Variants in ST13 observed in about 807,000 individuals in gnomAD.
ST13 encodes ST13 Hsp70 interacting protein.
In ST13, 23 loss-of-function variants were observed where a neutral mutation model predicts 56.7. That is an observed-to-expected ratio of 0.41 (90% CI 0.29 to 0.57). The LOEUF is 0.57. ST13 is among the 20% of genes least tolerant of loss of function. The pLI is 0.36. For synonymous variants in ST13, 132 were observed against 142.4 expected, an observed-to-expected ratio of 0.93 and a Z score of 0.52; for missense variants, 369 against 459.9, an observed-to-expected ratio of 0.80 and a Z score of 1.81.
intron 1 of ST13, among the ~76,000 whole-genome samples, chr22:40,854,822 T>C (rs376980495): frequency 1.3e-5 from 2 of 152,344 alleles, no homozygotes; most frequent in Admixed American, 6.5e-5. Flanking sequence ...CTTAAGGCTT[T>C]TGGATCATCA....
Position 40,832,678 on chromosome 22 carries a change from C to A in ST13, c.579-7G>T, listed in dbSNP as rs779903992. On this transcript the variant is annotated splice_polypyrimidine_tract_variant and splice_region_variant and intron_variant, in intron 7 of 11. Transcript: ENST00000216218. ...TTCCCAGTGGCCTAGAAGTCTGAAACAGATTTACACTCATTTTAGGAGCCT... is the reference window on the plus strand; with the variant it reads ...TTCCCAGTGGCCTAGAAGTCTGAAAAAGATTTACACTCATTTTAGGAGCCT... 6.3e-6 allele frequency: 10 copies of A among 1,589,040 alleles called. No individual in the cohort carries two copies. Among genetic ancestry groups the A allele is most frequent in the African/African-American group, 1.3e-5 (1 of 74,816 alleles).
chr22:40,844,855 C>T lies in ST13; in HGVS notation c.299G>A (p.Gly100Glu). The T allele has an allele frequency of 6.2e-7, 1 of 1,613,556 alleles. No homozygotes were observed. The stretch of plus-strand genomic sequence containing the variant: ...CGAACTTACCTCCGCATTTTCATCT[C>T]CCATTTCTTGAGGAGCATCAGTGTC... ...EPDTDAPQEM[G>E]DENAEITEEM... is the part of the protein sequence containing the mutation. The change falls in exon 4 of 12, where the codon GGA becomes GAA. Residue 100 changes from glycine to glutamate, a missense_variant. Physicochemically the swap from Gly to Glu is moderately conservative, Grantham distance 98. Transcript: ENST00000216218.
At chr22:40,841,871 G>C (rs2057806382) in intron 4 of ST13, among the ~76,000 whole-genome samples, 1 of 152,062 alleles carries the variant, frequency 6.6e-6, no homozygotes, top group Non-Finnish European at 1.5e-5. Context: ...GGGATTAGAA[G>C]CATAAGCCGC....
At chr22:40,850,110 T>C (rs1329740083) in intron 2 of ST13, among the ~76,000 whole-genome samples, 4 of 151,638 alleles carry the variant, frequency 2.6e-5, no homozygotes, top group East Asian at 3.9e-4. Flanking sequence ...ATAGAAAAAT[T>C]AGCCAGGCAT....
chr22:40,849,264 T>A (rs1179762294), intron 2 of ST13, among the ~76,000 whole-genome samples: 1 of 151,842 alleles, frequency 6.6e-6, no homozygotes, highest in Non-Finnish European at 1.5e-5. Flanking sequence ...GATCACGAGG[T>A]CAGGAGATTG....
At chr22:40,836,394 G>A (rs530335123) in intron 5 of ST13, among the ~76,000 whole-genome samples, 6 of 152,230 alleles carry the variant, frequency 3.9e-5, no homozygotes, top group Non-Finnish European at 7.4e-5. Flanking sequence ...CCAGTGAGGC[G>A]AGATCACCAC....
At chr22:40,828,506 G>A (rs937230874) in intron 10 of ST13, among the ~76,000 whole-genome samples, 5 of 151,708 alleles carry the variant, frequency 3.3e-5, no homozygotes, top group Admixed American at 6.6e-5. Flanking sequence ...CCAGCTACTC[G>A]GGAGGCTGAG....
chr22:40,844,223 C>A (rs1416750630), intron 4 of ST13, among the ~76,000 whole-genome samples: 1 of 152,060 alleles, frequency 6.6e-6, no homozygotes, highest in African/African-American at 2.4e-5. Context: ...ATACCATTTC[C>A]CACAATACTT....
chr22:40,830,817 T>G lies in ST13; in HGVS notation c.798+23A>C. On this transcript the variant is annotated intron_variant, in intron 9 of 11. Transcript: ENST00000216218. ...CATAATTTGCCGTATTTTCCTTTCATGGCTTAGCTATAGGAAATTTACCCT... is the reference window on the plus strand; with the variant it reads ...CATAATTTGCCGTATTTTCCTTTCAGGGCTTAGCTATAGGAAATTTACCCT... The G allele has an allele frequency of 2.0e-6, 3 of 1,518,084 alleles. No homozygotes were observed. The South Asian group carries it at 3.6e-5, about 18-fold the overall frequency. The allele number at this position is 1,518,084 out of a possible 1,614,324, so 94.0% of individuals were successfully genotyped here. A position where few individuals can be genotyped will look rare whatever the true frequency, so the allele number is the denominator to read the frequency against.
chr22:40,830,817 T>C (rs1382781784), intron 9 of ST13, 23 bp downstream of exon 9: 2 of 1,517,966 alleles, frequency 1.3e-6, no homozygotes, highest in Non-Finnish European at 1.8e-6. Context: ...TTTCCTTTCA[T>C]GGCTTAGCTA....
intron 9 of ST13, 35 bp from the exon 10 acceptor site, chr22:40,829,709 A>T (rs1336257545): frequency 4.0e-6 from 5 of 1,249,440 alleles, no homozygotes; most frequent in South Asian, 1.8e-5. Context: ...ATATAATAGA[A>T]GAAGAAATAA....
At chr22:40,855,204 C>A (rs572885785) in intron 1 of ST13, among the ~76,000 whole-genome samples, 2 of 152,184 alleles carry the variant, frequency 1.3e-5, no homozygotes, top group Admixed American at 6.5e-5. Flanking sequence ...GCCTGTAATA[C>A]CACCACTTTG....
intron 8 of ST13, 49 bp from the exon 9 acceptor site, chr22:40,831,005 ACAT>A: frequency 8.8e-7 from 1 of 1,135,164 alleles, no homozygotes; most frequent in Non-Finnish European, 1.3e-6. Flanking sequence ...AAGCTGAATA[ACAT>A]CAACACAAAT....
chr22:40,840,461 G>T (rs2057798051), intron 5 of ST13, among the ~76,000 whole-genome samples, 165 bp downstream of exon 5: 1 of 151,940 alleles, frequency 6.6e-6, no homozygotes, highest in Non-Finnish European at 1.5e-5. Context: ...AGAGAGAAGT[G>T]ATTTCAGCCT....
At chr22:40,848,213 C>T in intron 3 of ST13, 81 bp downstream of exon 3, 1 of 962,870 alleles carries the variant, frequency 1.0e-6, no homozygotes, top group South Asian at 1.3e-5. Context: ...TTACACAGTG[C>T]TGATTTAAGT....
chr22:40,853,521 C>G (rs1284575551), intron 1 of ST13, among the ~76,000 whole-genome samples: 2 of 152,154 alleles, frequency 1.3e-5, no homozygotes, highest in Non-Finnish European at 2.9e-5. Context: ...GCCACTTAGA[C>G]TTTGGCACTA....
chr22:40,850,621 A>G (rs1306065103), intron 2 of ST13, among the ~76,000 whole-genome samples: 1 of 152,192 alleles, frequency 6.6e-6, no homozygotes, highest in Non-Finnish European at 1.5e-5. Flanking sequence ...TGAACATCCA[A>G]CCCTAAATTC....
At position 40,847,616 on chromosome 22, in the gene ST13, C is replaced by T. The variant is rs554550391; in HGVS notation, c.244+678G>A. Among the ~76,000 whole-genome samples, 6 of 151,454 alleles carry T rather than the reference C, an allele frequency of 4.0e-5. No individual in the cohort carries two copies. In the South Asian group the frequency reaches 1.3e-3, roughly 32 times the overall value. ...GCTTAGAACAACTTTAATATGTAAC[C>T]CAACTTTTTCTAATACAAACATTAT... On this transcript the variant is annotated intron_variant, in intron 3 of 11. Transcript: ENST00000216218.
intron 5 of ST13, 81 bp downstream of exon 5, chr22:40,840,545 T>C (rs540155689): frequency 5.1e-4 from 644 of 1,272,070 alleles, no homozygotes; most frequent in Admixed American, 9.6e-4. Context: ...TACATGTAAC[T>C]TCTCTTCTAC....
Sources: gnomAD v4.1 joint callset for allele counts (sites outside exome capture counted in the v4.1 genomes callset) on GRCh38, gnomAD v4.1.1 for gene constraint, MANE v1.5 for transcripts, NCBI Gene and HGNC (gene_info 2026-07-23, HGNC 2026-07-21) for gene names.